RIMBP2: variants seen among roughly 807,000 people sequenced by gnomAD.
RIMBP2 encodes the protein RIMS binding protein 2.
RIMBP2 carries 48 observed loss-of-function variants against 118.6 expected under a neutral mutation model. That is an observed-to-expected ratio of 0.40 (90% CI 0.32 to 0.51). RIMBP2 has a LOEUF of 0.51. Ranked by LOEUF, RIMBP2 falls within the 20% of genes least tolerant of loss-of-function variation. RIMBP2 has a pLI of 0.41. For synonymous variants in RIMBP2, 762 were observed against 742.9 expected (o/e 1.03, Z -0.42); for missense variants, 1,551 against 1,768.3 (o/e 0.88, Z 2.20).
chr12:130,646,441 T>TTCCCTCTCCACCTCCCTC (rs1566423615), intron 1 of RIMBP2, among the ~76,000 whole-genome samples: 1 of 3,400 alleles, frequency 2.9e-4, no homozygotes, highest in African/African-American at 5.8e-4. Context: ...CCACCTCCCT[T>TTCCCTCTCCACCTCCCTC]GCCACCTCCC....
intron 10 of RIMBP2, 113 bp downstream of exon 10, chr12:130,445,047 G>T: frequency 3.0e-6 from 2 of 662,760 alleles, no homozygotes; most frequent in Non-Finnish European, 5.2e-6. Flanking sequence ...AGGAGGGCTG[G>T]GTGGCCAGGA....
intron 22 of RIMBP2, among the ~76,000 whole-genome samples, chr12:130,399,453 G>C (rs1268545783): frequency 6.6e-6 from 1 of 152,092 alleles, no homozygotes; most frequent in East Asian, 1.9e-4. Flanking sequence ...GTGAGTAAAG[G>C]CAGATTGATT....
chr12:130,503,244 AT>A (rs1444540650), intron 4 of RIMBP2, among the ~76,000 whole-genome samples: 1 of 151,374 alleles, frequency 6.6e-6, no homozygotes, highest in Non-Finnish European at 1.5e-5. Context: ...AAAAAAAAAA[AT>A]ATTATCCGGG....
In RIMBP2 at chr12:130,403,122, G is replaced by A. The variant is rs188329557; in HGVS notation, c.3765+3050C>T. Reference sequence around the variant, plus strand: ...TAGGACCGGTGGAGTATTTGAATTCGCTCTCTCGAGATGTTTAAGGTTACA... The same window carrying A: ...TAGGACCGGTGGAGTATTTGAATTCACTCTCTCGAGATGTTTAAGGTTACA... On this transcript the variant is annotated intron_variant, in intron 21 of 22. Coordinates refer to ENST00000690449, the MANE Select transcript of RIMBP2 (RefSeq NM_001393629.1). Among the ~76,000 whole-genome samples, 10 of 152,258 alleles carry A rather than the reference G, an allele frequency of 6.6e-5. No homozygotes were observed. The East Asian group carries it at 9.6e-4, about 15-fold the overall frequency.
intron 2 of RIMBP2, among the ~76,000 whole-genome samples, chr12:130,606,344 C>T (rs1319970323): frequency 1.3e-5 from 2 of 152,212 alleles, no homozygotes; most frequent in South Asian, 2.1e-4. Context: ...TATTCTACCA[C>T]TAACTGCCTG....
chr12:130,479,577 C>G (rs960771663), intron 4 of RIMBP2, among the ~76,000 whole-genome samples: 5 of 152,022 alleles, frequency 3.3e-5, no homozygotes, highest in Non-Finnish European at 7.4e-5. Flanking sequence ...AGAATGCAAA[C>G]CCAGAGTCCG....
intron 2 of RIMBP2, among the ~76,000 whole-genome samples, chr12:130,530,555 A>G (rs1273715969): frequency 6.6e-6 from 1 of 152,212 alleles, no homozygotes; most frequent in East Asian, 1.9e-4. Context: ...GTTTTTACCT[A>G]TTGACTGAAC....
chr12:130,613,765 G>A (rs2060711829), intron 2 of RIMBP2, among the ~76,000 whole-genome samples: 1 of 137,352 alleles, frequency 7.3e-6, no homozygotes, highest in South Asian at 2.4e-4. Context: ...AGTGAGCCAA[G>A]ATCGCACCAC....
chr12:130,439,431 ATGTGGGTGTGTGGG>A (rs530085318), intron 11 of RIMBP2, among the ~76,000 whole-genome samples: 1,950 of 141,564 alleles, frequency 0.014, 41 homozygotes, highest in African/African-American at 0.049. Context: ...GTATATGTGT[ATGTGGGTGTGTGGG>A]TGTGGGTGTG....
At chr12:130,456,773 TGTG>T in intron 6 of RIMBP2, 73 bp from the exon 7 acceptor site, 3 of 1,181,296 alleles carry the variant, frequency 2.5e-6, no homozygotes, top group Non-Finnish European at 3.6e-6. Context: ...CCTGTTCACA[TGTG>T]TTGTACGTGT....
At chr12:130,416,193 T>C (rs997673620) in intron 17 of RIMBP2, among the ~76,000 whole-genome samples, 6 of 152,214 alleles carry the variant, frequency 3.9e-5, no homozygotes, top group Admixed American at 3.9e-4. Flanking sequence ...CAAACTTCCA[T>C]TGTCATTTTA....
intron 2 of RIMBP2, among the ~76,000 whole-genome samples, chr12:130,583,063 G>A (rs1273973589): frequency 6.6e-6 from 1 of 152,188 alleles, no homozygotes; most frequent in Non-Finnish European, 1.5e-5. Context: ...ACAGCTGGGG[G>A]ATTAAATAAC....
intron 1 of RIMBP2, among the ~76,000 whole-genome samples, chr12:130,640,632 C>T (rs184074101): frequency 2.6e-5 from 4 of 152,298 alleles, no homozygotes; most frequent in South Asian, 2.1e-4. Flanking sequence ...TGATGACCTG[C>T]GCTTGTTACG....
chr12:130,715,276 G>T (rs1413608709), intron 1 of RIMBP2, among the ~76,000 whole-genome samples: 1 of 152,098 alleles, frequency 6.6e-6, no homozygotes, highest in Non-Finnish European at 1.5e-5. Flanking sequence ...GGACCCAGAG[G>T]CCACGCAGGC....
intron 4 of RIMBP2, among the ~76,000 whole-genome samples, chr12:130,483,568 G>T (rs886963043): frequency 6.6e-6 from 1 of 152,016 alleles, no homozygotes; most frequent in Non-Finnish European, 1.5e-5. Flanking sequence ...CTAAACAAAG[G>T]CTCACACCAG....
intron 6 of RIMBP2, among the ~76,000 whole-genome samples, chr12:130,463,155 G>A (rs2080156597): frequency 1.3e-5 from 2 of 152,188 alleles, no homozygotes; most frequent in African/African-American, 2.4e-5. Flanking sequence ...AGAGCAACCC[G>A]TGGTCCTGCC....
chr12:130,441,709 G>A, intron 11 of RIMBP2, 139 bp downstream of exon 11: 2 of 741,884 alleles, frequency 2.7e-6, no homozygotes, highest in Non-Finnish European at 4.4e-6. Context: ...TGCTTCGCCG[G>A]TGACCTAAGG....
At chr12:130,607,668 C>T (rs532859908) in intron 2 of RIMBP2, among the ~76,000 whole-genome samples, 4 of 152,076 alleles carry the variant, frequency 2.6e-5, no homozygotes, top group East Asian at 1.9e-4. Flanking sequence ...GACACAAATC[C>T]GACTCCCCAG....
chr12:130,410,593 C>T (rs2136443364), intron 19 of RIMBP2, among the ~76,000 whole-genome samples: 1 of 152,254 alleles, frequency 6.6e-6, no homozygotes, highest in African/African-American at 2.4e-5. Flanking sequence ...GCAGTAATGT[C>T]AGCACCAATG....
Sources: allele counts gnomAD v4.1 joint callset (sites outside exome capture counted in the v4.1 genomes callset), GRCh38; gene constraint gnomAD v4.1.1; transcripts MANE v1.5; gene names NCBI Gene and HGNC (gene_info 2026-07-23, HGNC 2026-07-21).